Variants in TNRC6B observed in about 807,000 individuals in gnomAD.
TNRC6B encodes trinucleotide repeat-containing gene 6B protein.
A neutral mutation model predicts 203.6 loss-of-function variants in TNRC6B; 52 were observed. That is an observed-to-expected ratio of 0.26 (90% CI 0.20 to 0.32). TNRC6B has a LOEUF of 0.32. Among genes scored for constraint, TNRC6B ranks in the 10% least tolerant of loss-of-function variants. The pLI, the probability that TNRC6B is intolerant of heterozygous loss-of-function variation, is 1.00. For missense variants in TNRC6B, 1,923 were observed against 2,286.2 expected, an observed-to-expected ratio of 0.84 and a Z score of 3.24; for synonymous variants, 838 against 845.7, an observed-to-expected ratio of 0.99 and a Z score of 0.16.
intron 1 of TNRC6B, among the ~76,000 whole-genome samples, chr22:40,240,370 C>A (rs1386170029): frequency 6.6e-6 from 1 of 152,128 alleles, no homozygotes; most frequent in African/African-American, 2.4e-5. Flanking sequence ...ATATTAAACC[C>A]CCAGCTCCCC....
intron 9 of TNRC6B, among the ~76,000 whole-genome samples, chr22:40,278,579 G>C (rs1024785095): frequency 1.3e-4 from 20 of 151,718 alleles, no homozygotes; most frequent in Admixed American, 6.6e-4. Context: ...AAAAAACCTG[G>C]GACGAGGTGG....
At chr22:40,100,724 A>G (rs1032546320) in intron 1 of TNRC6B, among the ~76,000 whole-genome samples, 1 of 152,190 alleles carries the variant, frequency 6.6e-6, no homozygotes, top group African/African-American at 2.4e-5. Context: ...GCAACCATGG[A>G]TTTTGGTATA....
At position 40,126,103 on chromosome 22, in the gene TNRC6B, A is replaced by G. The variant is rs897101681; in HGVS notation, c.45+241A>G. 2.6e-5 allele frequency among the ~76,000 whole-genome samples: 4 copies of G among 152,168 alleles called. No individual in the cohort carries two copies. In the East Asian group the frequency reaches 5.8e-4, roughly 22 times the overall value. On this transcript the variant is annotated intron_variant, in intron 3 of 23. Transcript: ENST00000301923. The stretch of plus-strand genomic sequence containing the variant: ...AATTTATTTTTAGAACACTAATACT[A>G]TGTCTTTTAAAGTTTGTTACGAAAG...
chr22:40,116,099 C>G (rs1451630321), intron 1 of TNRC6B, among the ~76,000 whole-genome samples: 1 of 152,246 alleles, frequency 6.6e-6, no homozygotes, highest in Non-Finnish European at 1.5e-5. Context: ...CATCTCAGCA[C>G]TGTGCTCTAA....
chr22:40,136,362 A>G (rs1182631405), intron 3 of TNRC6B, among the ~76,000 whole-genome samples: 1 of 122,856 alleles, frequency 8.1e-6, no homozygotes, highest in Admixed American at 8.8e-5. Flanking sequence ...ACCTTTGTGT[A>G]TGTTTATCTT....
At chr22:40,197,829 C>A (rs2069361308) in intron 1 of TNRC6B, among the ~76,000 whole-genome samples, 1 of 151,650 alleles carries the variant, frequency 6.6e-6, no homozygotes, top group Non-Finnish European at 1.5e-5. Flanking sequence ...TCAGGCTGGT[C>A]TTGAACTCCT....
chr22:40,319,024 T>C (rs66480249), intron 21 of TNRC6B, among the ~76,000 whole-genome samples: 16,689 of 152,118 alleles, frequency 0.11, 1,014 homozygotes, highest in East Asian at 0.15. Context: ...TGAGCTGAGA[T>C]CGCACCACTG....
intron 1 of TNRC6B, among the ~76,000 whole-genome samples, chr22:40,195,878 T>A (rs1196018534): frequency 2.0e-5 from 3 of 152,198 alleles, no homozygotes; most frequent in Non-Finnish European, 1.5e-5. Context: ...CACACCATTC[T>A]CCTGCCTCAG....
At chr22:40,239,844 T>C (rs1466522591) in intron 1 of TNRC6B, among the ~76,000 whole-genome samples, 1 of 152,038 alleles carries the variant, frequency 6.6e-6, no homozygotes, top group African/African-American at 2.4e-5. Flanking sequence ...TTTGTTTTTC[T>C]TTCTTTTTTT....
At chr22:40,231,411 A>G (rs2069867953) in intron 1 of TNRC6B, among the ~76,000 whole-genome samples, 1 of 152,164 alleles carries the variant, frequency 6.6e-6, no homozygotes. Flanking sequence ...TAGGTTTTTA[A>G]AAATTTCTAT....
At chr22:40,140,867 C>T (rs2068638370) in intron 3 of TNRC6B, among the ~76,000 whole-genome samples, 1 of 152,122 alleles carries the variant, frequency 6.6e-6, no homozygotes, top group Non-Finnish European at 1.5e-5. Flanking sequence ...TCTCAAACTC[C>T]TGACCTCAAG....
chr22:40,075,154 A>ATTTTTTT (rs1181613595), intron 1 of TNRC6B, among the ~76,000 whole-genome samples: 6 of 55,374 alleles, frequency 1.1e-4, no homozygotes, highest in African/African-American at 6.7e-4. Context: ...ATATATATAT[A>ATTTTTTT]TATTTTTTTT....
In TNRC6B at chr22:40,110,721, C is replaced by A. The variant is rs1459529338; in HGVS notation, c.-120-6334C>A. ...AAGACATAAAAATCAGATTAACATTCTTGTGCCAGGGTCCTACCATCAGTC... is the reference window on the plus strand; with the variant it reads ...AAGACATAAAAATCAGATTAACATTATTGTGCCAGGGTCCTACCATCAGTC... On this transcript the variant is annotated intron_variant, in intron 1 of 23. Coordinates refer to the TNRC6B transcript ENST00000301923. 2.0e-5 allele frequency among the ~76,000 whole-genome samples: 3 copies of A among 152,188 alleles called. No homozygotes were observed. In the East Asian group the frequency reaches 5.8e-4, roughly 29 times the overall value.
chr22:40,079,035 T>A (rs1174306546), intron 1 of TNRC6B, among the ~76,000 whole-genome samples: 1 of 151,546 alleles, frequency 6.6e-6, no homozygotes, highest in African/African-American at 2.4e-5. Context: ...GATCACACCA[T>A]TGCACTCCAG....
intron 9 of TNRC6B, among the ~76,000 whole-genome samples, chr22:40,279,496 C>A (rs982463387): frequency 6.6e-6 from 1 of 152,154 alleles, no homozygotes; most frequent in Non-Finnish European, 1.5e-5. Flanking sequence ...GTGTTCAGCT[C>A]TTAAGTTCTA....
At chr22:40,161,577 G>C (rs1173569991) in intron 4 of TNRC6B, among the ~76,000 whole-genome samples, 1 of 152,140 alleles carries the variant, frequency 6.6e-6, no homozygotes, top group African/African-American at 2.4e-5. Flanking sequence ...AGGCAGATTA[G>C]GTAGCTGTAT....
intron 3 of TNRC6B, among the ~76,000 whole-genome samples, chr22:40,254,092 G>C (rs2070233375): frequency 6.6e-6 from 1 of 152,130 alleles, no homozygotes; most frequent in South Asian, 2.1e-4. Flanking sequence ...ATTCTGTGAG[G>C]AATAGGGTAG....
At chr22:40,294,311 G>A (rs560527192) in intron 12 of TNRC6B, among the ~76,000 whole-genome samples, 4 of 152,188 alleles carry the variant, frequency 2.6e-5, no homozygotes, top group South Asian at 4.1e-4. Context: ...CTCAGTTCTG[G>A]AGGCTTTTCA....
At chr22:40,273,330 CA>C in intron 6 of TNRC6B, 94 bp from the exon 7 acceptor site, 1 of 1,201,742 alleles carries the variant, frequency 8.3e-7, no homozygotes, top group Non-Finnish European at 1.1e-6. Context: ...GATAAAATTA[CA>C]AAGACACGTA....
Sources: gnomAD v4.1 joint callset for allele counts (sites outside exome capture counted in the v4.1 genomes callset) on GRCh38, gnomAD v4.1.1 for gene constraint, MANE v1.5 for transcripts, NCBI Gene and HGNC (gene_info 2026-07-23, HGNC 2026-07-21) for gene names.